Variants in DMD observed in about 807,000 individuals in gnomAD.
The protein encoded by DMD is mutant dystrophin.
A neutral mutation model predicts 330.1 loss-of-function variants in DMD; 63 were observed. The ratio of observed to expected loss-of-function variants is 0.19; its 90% CI spans 0.16 to 0.24. The LOEUF (loss-of-function observed/expected upper bound fraction) is 0.24, where lower values mean the gene tolerates loss of function less well. Among genes scored for constraint, DMD ranks in the 10% least tolerant of loss-of-function variants. The pLI, the probability that DMD is intolerant of heterozygous loss-of-function variation, is 1.00. For missense variants in DMD, 3,344 were observed against 2,684.1 expected, an observed-to-expected ratio of 1.25 and a Z score of -5.43; for synonymous variants, 1,223 against 959.8, an observed-to-expected ratio of 1.27 and a Z score of -5.07.
chrX:33,116,745 G>A (rs1297444110), intron 1 of DMD, among the ~76,000 whole-genome samples: 1 of 111,358 alleles, frequency 9.0e-6, no homozygotes, highest in African/African-American at 3.3e-5. Context: ...TTTGAAGATG[G>A]GAATGCTTTA....
intron 1 of DMD, among the ~76,000 whole-genome samples, chrX:33,026,293 G>A (rs1346879028): frequency 2.4e-5 from 2 of 82,292 alleles, no homozygotes; most frequent in Non-Finnish European, 4.5e-5. Flanking sequence ...CCGGCCTGGG[G>A]GACAGAGGAG....
At chrX:32,855,014 G>C (rs1441500842) in intron 2 of DMD, among the ~76,000 whole-genome samples, 1 of 112,018 alleles carries the variant, frequency 8.9e-6, no homozygotes, top group East Asian at 2.8e-4. Context: ...GGGATGCCAA[G>C]ATGGGTCACC....
intron 21 of DMD, among the ~76,000 whole-genome samples, chrX:32,483,164 T>TATATATATATACAC (rs1481445275): frequency 3.2e-5 from 2 of 61,595 alleles, no homozygotes; most frequent in Non-Finnish European, 6.9e-5. Context: ...TATATATATA[T>TATATATATATACAC]ACACCATATT....
At chrX:32,621,696 CTGGG>C (rs1406081171) in intron 11 of DMD, among the ~76,000 whole-genome samples, 1 of 110,189 alleles carries the variant, frequency 9.1e-6, no homozygotes. Context: ...ACCAGAATGG[CTGGG>C]TGTGTGCAAA....
At chrX:31,822,886 G>A (rs2149437783) in intron 49 of DMD, among the ~76,000 whole-genome samples, 1 of 110,335 alleles carries the variant, frequency 9.1e-6, no homozygotes, top group South Asian at 3.8e-4. Context: ...ACCTTTGTTA[G>A]ATGCCCAGGC....
intron 44 of DMD, among the ~76,000 whole-genome samples, chrX:32,149,239 C>T (rs1462416113): frequency 2.7e-5 from 3 of 111,269 alleles, no homozygotes; most frequent in Non-Finnish European, 5.7e-5. Flanking sequence ...AGTGGGGCAC[C>T]GGTTAATTAA....
intron 44 of DMD, among the ~76,000 whole-genome samples, chrX:32,001,543 C>T (rs751637170): frequency 2.7e-5 from 3 of 110,452 alleles, no homozygotes; most frequent in Admixed American, 9.7e-5. Flanking sequence ...CCAATCTCAC[C>T]CCCACCCCAC....
chrX:32,821,730 A>G (rs1451547114), intron 5 of DMD, among the ~76,000 whole-genome samples: 2 of 112,165 alleles, frequency 1.8e-5, no homozygotes, highest in African/African-American at 6.5e-5. Context: ...CATGTATTAT[A>G]TTGATATAAA....
chrX:32,537,225 T>C (rs1317465996), intron 17 of DMD, among the ~76,000 whole-genome samples: 6 of 110,891 alleles, frequency 5.4e-5, no homozygotes, highest in Non-Finnish European at 1.1e-4. Context: ...CAGTCAGAAA[T>C]CCAGGAATAC....
chrX:32,798,303 G>A (rs1295523013), intron 7 of DMD, among the ~76,000 whole-genome samples: 1 of 109,100 alleles, frequency 9.2e-6, no homozygotes, highest in Non-Finnish European at 1.9e-5. Flanking sequence ...TTAGTGACTG[G>A]TTCCAACTGC....
intron 59 of DMD, 84 bp downstream of exon 59, chrX:31,478,022 G>A: frequency 3.8e-6 from 4 of 1,052,399 alleles, no homozygotes; most frequent in Non-Finnish European, 5.2e-6. Flanking sequence ...TTAACTTTGT[G>A]GGAAGATAAC....
chrX:32,668,115 T>C (rs763152321), intron 9 of DMD, among the ~76,000 whole-genome samples: 1 of 109,751 alleles, frequency 9.1e-6, no homozygotes, highest in East Asian at 2.9e-4. Flanking sequence ...TGCCACTGCA[T>C]GCCAGCCTGG....
chrX:31,674,006 C>T (rs2081951443), intron 53 of DMD, among the ~76,000 whole-genome samples: 1 of 111,891 alleles, frequency 8.9e-6, no homozygotes, highest in Non-Finnish European at 1.9e-5. Flanking sequence ...AAAGAAAATA[C>T]ATGAAGAAAT....
chrX:31,475,036 T>C (rs1375944911), intron 59 of DMD, among the ~76,000 whole-genome samples: 1 of 111,494 alleles, frequency 9.0e-6, no homozygotes, highest in African/African-American at 3.3e-5. Context: ...TATGAATTCA[T>C]GTAATTCATA....
intron 74 of DMD, among the ~76,000 whole-genome samples, chrX:31,151,370 T>C (rs1385002205): frequency 8.9e-6 from 1 of 112,459 alleles, no homozygotes; most frequent in Non-Finnish European, 1.9e-5. Context: ...GGGGCAGCCA[T>C]GGTGTTCCTT....
chrX:32,806,208 A>C (rs770562524), intron 7 of DMD, among the ~76,000 whole-genome samples: 11 of 112,211 alleles, frequency 9.8e-5, no homozygotes, highest in African/African-American at 3.6e-4. Context: ...GCAAAGACAC[A>C]CATAGGCTCA....
chrX:33,218,199 T>C (rs372555966), intron 1 of DMD, among the ~76,000 whole-genome samples: 1 of 111,787 alleles, frequency 8.9e-6, no homozygotes, highest in Non-Finnish European at 1.9e-5. Context: ...TATGATCAAG[T>C]GATTATTCTT....
chrX:31,211,547 T>G (rs758280348), intron 64 of DMD, among the ~76,000 whole-genome samples: 1 of 112,509 alleles, frequency 8.9e-6, no homozygotes, highest in Non-Finnish European at 1.9e-5. Flanking sequence ...CTAGTGAAAA[T>G]TTTTCGAATC....
rs1269429376 is a variant in DMD, at chrX:31,713,283, TCA to T, written c.7660+16346_7660+16347del. On this transcript the variant is annotated intron_variant, in intron 52 of 78. Transcript: ENST00000357033. ...GTTCCACAATTACTTCAGTAGACAGTCAGTCAACACAAACTCATCTGAACCTA... is the reference window on the plus strand; with the variant it reads ...GTTCCACAATTACTTCAGTAGACAGTGTCAACACAAACTCATCTGAACCTA... Among the ~76,000 whole-genome samples, 441 of 46,898 alleles carry T rather than the reference TCA, an allele frequency of 9.4e-3. 4 individuals carry two copies. Among genetic ancestry groups the T allele is most frequent in the African/African-American group, 0.064 (414 of 6,515 alleles). The allele number at this position is 46,898 out of a possible 115,157, so 40.7% of individuals were successfully genotyped here. A position where few individuals can be genotyped will look rare whatever the true frequency, so the allele number is the denominator to read the frequency against.
Sources: allele counts gnomAD v4.1 joint callset (sites outside exome capture counted in the v4.1 genomes callset), GRCh38; gene constraint gnomAD v4.1.1; transcripts MANE v1.5; gene names NCBI Gene and HGNC (gene_info 2026-07-23, HGNC 2026-07-21).